CNTNAP2: variants seen among roughly 807,000 people sequenced by gnomAD.
CNTNAP2 encodes the protein contactin-associated protein-like 2.
Under a neutral mutation model 155.2 loss-of-function variants are expected in CNTNAP2, and 98 were observed. That is an observed-to-expected ratio of 0.63 (90% CI 0.54 to 0.75). The LOEUF is 0.75. Among genes scored for constraint, CNTNAP2 ranks in the 30% least tolerant of loss-of-function variants. The pLI is 0.00. For missense variants in CNTNAP2, 1,727 were observed against 1,688.1 expected (o/e 1.02, Z -0.40); for synonymous variants, 651 against 631.2 (o/e 1.03, Z -0.47).
chr7:146,728,436 T>C (rs1177751492), intron 1 of CNTNAP2, among the ~76,000 whole-genome samples: 2 of 152,176 alleles, frequency 1.3e-5, no homozygotes, highest in Non-Finnish European at 2.9e-5. Flanking sequence ...TGGCACTTAC[T>C]GGTTTTTTGC....
chr7:147,292,558 CA>C (rs1563148942), intron 8 of CNTNAP2, among the ~76,000 whole-genome samples: 2 of 152,016 alleles, frequency 1.3e-5, no homozygotes, highest in Non-Finnish European at 1.5e-5. Flanking sequence ...TATGTATCTC[CA>C]TTTGTTTAGT....
At chr7:146,297,359 A>G (rs1192725448) in intron 1 of CNTNAP2, among the ~76,000 whole-genome samples, 1 of 152,090 alleles carries the variant, frequency 6.6e-6, no homozygotes, top group Non-Finnish European at 1.5e-5. Flanking sequence ...AGTGTTGTCT[A>G]TGGATTTAAA....
chr7:147,827,773 T>C (rs1798480170), intron 13 of CNTNAP2, among the ~76,000 whole-genome samples: 1 of 152,152 alleles, frequency 6.6e-6, no homozygotes, highest in South Asian at 2.1e-4. Context: ...GAGGGTAGAA[T>C]GCCAGGGAGG....
intron 3 of CNTNAP2, among the ~76,000 whole-genome samples, chr7:146,902,201 C>T (rs554880809): frequency 6.6e-6 from 1 of 152,128 alleles, no homozygotes; most frequent in African/African-American, 2.4e-5. Context: ...CCATTTTTTA[C>T]TTTATCTTCC....
chr7:147,903,046 T>G (rs1799899812), intron 13 of CNTNAP2, among the ~76,000 whole-genome samples: 1 of 152,134 alleles, frequency 6.6e-6, no homozygotes, highest in Non-Finnish European at 1.5e-5. Context: ...TTAAGGAATC[T>G]CCACGCTGTT....
At chr7:147,123,725 T>C (rs566197907) in intron 6 of CNTNAP2, among the ~76,000 whole-genome samples, 23 of 152,284 alleles carry the variant, frequency 1.5e-4, no homozygotes, top group East Asian at 5.8e-4. Context: ...GGGACTCCCT[T>C]TGCTTATTTG....
At chr7:146,680,636 CGTAT>C (rs1161536797) in intron 1 of CNTNAP2, among the ~76,000 whole-genome samples, 1 of 152,152 alleles carries the variant, frequency 6.6e-6, no homozygotes, top group Non-Finnish European at 1.5e-5. Context: ...CATATCATAG[CGTAT>C]GTGTGACTTG....
chr7:147,141,993 T>C (rs1054247811), intron 8 of CNTNAP2, among the ~76,000 whole-genome samples: 5 of 152,206 alleles, frequency 3.3e-5, no homozygotes, highest in African/African-American at 1.2e-4. Context: ...TGGGGTTTTC[T>C]AGATACACAA....
At chr7:146,666,019 C>A (rs1022308293) in intron 1 of CNTNAP2, among the ~76,000 whole-genome samples, 3 of 151,772 alleles carry the variant, frequency 2.0e-5, no homozygotes, top group Non-Finnish European at 4.4e-5. Context: ...CCCCTTTTAG[C>A]TATTTGAAAC....
intron 22 of CNTNAP2, among the ~76,000 whole-genome samples, chr7:148,400,915 G>C (rs1340402201): frequency 2.0e-5 from 3 of 152,026 alleles, no homozygotes; most frequent in African/African-American, 7.2e-5. Flanking sequence ...AGGAAGCAGA[G>C]GTTGCAGTGA....
chr7:146,947,661 G>A (rs1797219055), intron 3 of CNTNAP2, among the ~76,000 whole-genome samples: 1 of 147,454 alleles, frequency 6.8e-6, no homozygotes, highest in South Asian at 2.1e-4. Flanking sequence ...ATTCAAACAT[G>A]TTGGGAGGCT....
At chr7:146,804,597 A>G (rs1439883617) in intron 2 of CNTNAP2, among the ~76,000 whole-genome samples, 3 of 152,230 alleles carry the variant, frequency 2.0e-5, no homozygotes, top group Admixed American at 6.5e-5. Context: ...ATGAGGATAA[A>G]TATAAGTAAA....
At chr7:146,276,505 TATAAC>T (rs372797560) in intron 1 of CNTNAP2, among the ~76,000 whole-genome samples, 401 of 152,312 alleles carry the variant, frequency 2.6e-3, no homozygotes, top group African/African-American at 9.4e-3. Context: ...ATATTAAACG[TATAAC>T]ATATACAAAG....
chr7:146,815,383 T>G (rs1803145717), intron 2 of CNTNAP2, among the ~76,000 whole-genome samples: 1 of 152,166 alleles, frequency 6.6e-6, no homozygotes, highest in Admixed American at 6.5e-5. Flanking sequence ...TTTACTGAAA[T>G]TCGTAATGAT....
intron 19 of CNTNAP2, among the ~76,000 whole-genome samples, chr7:148,218,936 CTTTTTTTTTTTTTTT>C (rs746349465): frequency 1.4e-5 from 1 of 73,630 alleles, no homozygotes; most frequent in East Asian, 4.1e-4. Flanking sequence ...TAAGATCACT[CTTTTTTTTTTTTTTT>C]TTTTTTTTTG....
intron 13 of CNTNAP2, among the ~76,000 whole-genome samples, chr7:147,873,377 A>G (rs149084736): frequency 0.039 from 5,992 of 152,318 alleles, 379 homozygotes; most frequent in African/African-American, 0.14. Context: ...ACAGATCTAC[A>G]TGGCTGGGGA....
At chr7:147,619,336 T>A (rs1554412448) in intron 12 of CNTNAP2, among the ~76,000 whole-genome samples, 1 of 152,240 alleles carries the variant, frequency 6.6e-6, no homozygotes, top group Non-Finnish European at 1.5e-5. Context: ...TTTCTACTTA[T>A]GATACTAGCA....
intron 13 of CNTNAP2, among the ~76,000 whole-genome samples, chr7:147,669,746 C>T (rs950542689): frequency 2.9e-4 from 44 of 152,164 alleles, no homozygotes; most frequent in African/African-American, 8.4e-4. Flanking sequence ...CACCATTGTC[C>T]GCCTCCTGGA....
At chr7:147,369,828 G>T (rs2116912492) in intron 9 of CNTNAP2, among the ~76,000 whole-genome samples, 1 of 152,230 alleles carries the variant, frequency 6.6e-6, no homozygotes. Context: ...CTTTAATTCT[G>T]CTCTACAATC....
Sources: allele counts gnomAD v4.1 joint callset (sites outside exome capture counted in the v4.1 genomes callset), GRCh38; gene constraint gnomAD v4.1.1; transcripts MANE v1.5; gene names NCBI Gene and HGNC (gene_info 2026-07-23, HGNC 2026-07-21).